Variants in RPS6KC1 observed in about 807,000 individuals in gnomAD.
RPS6KC1 encodes ribosomal protein S6 kinase C1, also known as inactive ribosomal protein S6 kinase delta-1.
A neutral mutation model predicts 103.8 loss-of-function variants in RPS6KC1; 54 were observed. The ratio of observed to expected loss-of-function variants is 0.52; its 90% CI spans 0.42 to 0.65. The LOEUF (loss-of-function observed/expected upper bound fraction) is 0.65, where lower values mean the gene tolerates loss of function less well. Ranked by LOEUF, RPS6KC1 falls within the 30% of genes least tolerant of loss-of-function variation. RPS6KC1 has a pLI of 0.00. For synonymous variants in RPS6KC1, 439 were observed against 438.7 expected, an observed-to-expected ratio of 1.00 and a Z score of -0.01; for missense variants, 1,151 against 1,253.8, an observed-to-expected ratio of 0.92 and a Z score of 1.24.
At chr1:213,505,480 C>G in the RPS6KC1 span, among the ~76,000 whole-genome samples, 11 of 152,326 alleles carry the variant, frequency 7.2e-5, no homozygotes, top group African/African-American at 2.6e-4. Flanking sequence ...CTCTCTGTGC[C>G]TCTGTTTTCT....
chr1:213,113,571 C>A (rs1412077302), intron 4 of RPS6KC1, among the ~76,000 whole-genome samples: 4 of 151,228 alleles, frequency 2.6e-5, no homozygotes, highest in Non-Finnish European at 4.4e-5. Context: ...TAATTAGATC[C>A]CATTTGTCAA....
At chr1:213,176,868 T>G (rs1245285830) in intron 8 of RPS6KC1, among the ~76,000 whole-genome samples, 1 of 152,192 alleles carries the variant, frequency 6.6e-6, no homozygotes, top group Non-Finnish European at 1.5e-5. Flanking sequence ...CCCCTTGTAA[T>G]TACCATTTAC....
chr1:213,432,700 A>G, the RPS6KC1 span, among the ~76,000 whole-genome samples: 1 of 149,178 alleles, frequency 6.7e-6, no homozygotes, highest in African/African-American at 2.5e-5. Context: ...ATTAGTTTGT[A>G]TTTTCTAGAA....
intron 5 of RPS6KC1, among the ~76,000 whole-genome samples, chr1:213,122,460 A>G (rs2084501859): frequency 6.6e-6 from 1 of 152,182 alleles, no homozygotes; most frequent in Non-Finnish European, 1.5e-5. Context: ...TTGAGGCAAG[A>G]TCATTTTAAA....
At chr1:213,589,808 C>G in the RPS6KC1 span, among the ~76,000 whole-genome samples, 1 of 152,034 alleles carries the variant, frequency 6.6e-6, no homozygotes, top group African/African-American at 2.4e-5. Flanking sequence ...AACTGAAGAA[C>G]AGGAATTGGT....
the RPS6KC1 span, among the ~76,000 whole-genome samples, chr1:213,660,888 C>CA: frequency 6.6e-6 from 1 of 152,190 alleles, no homozygotes; most frequent in Non-Finnish European, 1.5e-5. Context: ...GTGTCATGCA[C>CA]AAATTCGCCA....
At chr1:213,742,657 G>A in the RPS6KC1 span, among the ~76,000 whole-genome samples, 1 of 152,228 alleles carries the variant, frequency 6.6e-6, no homozygotes, top group African/African-American at 2.4e-5. Flanking sequence ...GTGAAGGTCT[G>A]GGCAAAGCTG....
At chr1:213,201,985 A>T (rs897127118) in intron 8 of RPS6KC1, among the ~76,000 whole-genome samples, 6 of 152,188 alleles carry the variant, frequency 3.9e-5, no homozygotes, top group Non-Finnish European at 8.8e-5. Flanking sequence ...TCAAAGTCTT[A>T]GGATTACATA....
At chr1:213,839,232 A>G in the RPS6KC1 span, among the ~76,000 whole-genome samples, 1 of 152,212 alleles carries the variant, frequency 6.6e-6, no homozygotes, top group Non-Finnish European at 1.5e-5. Flanking sequence ...TTTTAAAATT[A>G]ATAACAGGTA....
the RPS6KC1 span, among the ~76,000 whole-genome samples, chr1:213,453,205 A>C: frequency 3.9e-5 from 6 of 152,266 alleles, no homozygotes; most frequent in Admixed American, 3.9e-4. Context: ...CAACTGATTC[A>C]TTTATTCAAT....
At chr1:213,226,029 C>A (rs1349909528) in intron 8 of RPS6KC1, among the ~76,000 whole-genome samples, 1 of 151,750 alleles carries the variant, frequency 6.6e-6, no homozygotes, top group African/African-American at 2.4e-5. Context: ...TGAGACTATC[C>A]TGGCTAACAC....
At chr1:213,712,119 C>A in the RPS6KC1 span, among the ~76,000 whole-genome samples, 1 of 152,246 alleles carries the variant, frequency 6.6e-6, no homozygotes, top group African/African-American at 2.4e-5. Context: ...CCCACAGCCA[C>A]CCCTTCCCCC....
chr1:213,338,634 G>C, the RPS6KC1 span, among the ~76,000 whole-genome samples: 2 of 152,150 alleles, frequency 1.3e-5, no homozygotes, highest in Admixed American at 1.3e-4. Flanking sequence ...TGGGAACAAT[G>C]GCACAGACTT....
chr1:213,788,897 A>G, the RPS6KC1 span, among the ~76,000 whole-genome samples: 3 of 152,034 alleles, frequency 2.0e-5, no homozygotes, highest in African/African-American at 7.3e-5. Context: ...TCAGTTTCAC[A>G]CACACACACA....
chr1:213,105,711 C>CTGAG (rs2082422705), intron 4 of RPS6KC1, among the ~76,000 whole-genome samples: 1 of 152,128 alleles, frequency 6.6e-6, no homozygotes, highest in Admixed American at 6.5e-5. Context: ...GCAAACTAGG[C>CTGAG]TGAGATAATA....
rs529895256 is a variant in RPS6KC1, at chr1:213,268,819, T to G, written c.3091-3705T>G. On this transcript the variant is annotated intron_variant, in intron 14 of 14. Coordinates refer to ENST00000366960, the MANE Select transcript of RPS6KC1 (RefSeq NM_012424.6). ...GATATATTAAGTGATAAGATGCATA[T>G]TGTAGGGATACAGCAACCACTTAAA... 2.0e-3 allele frequency among the ~76,000 whole-genome samples: 302 copies of G among 151,692 alleles called. 1 individual carries two copies. The highest frequency in any genetic ancestry group is 7.0e-3 in the African/African-American group (291 of 41,410).
At chr1:213,362,781 G>A in the RPS6KC1 span, among the ~76,000 whole-genome samples, 1 of 152,298 alleles carries the variant, frequency 6.6e-6, no homozygotes, top group Admixed American at 6.5e-5. Context: ...AAAGCAGATT[G>A]TCCTCCATGG....
At chr1:213,783,807 G>A in the RPS6KC1 span, among the ~76,000 whole-genome samples, 2 of 19,032 alleles carry the variant, frequency 1.1e-4, no homozygotes, top group Admixed American at 1.5e-3. Flanking sequence ...TGAAAAGAAA[G>A]ATGTTGCCAA....
the RPS6KC1 span, among the ~76,000 whole-genome samples, chr1:213,716,156 T>A: frequency 1.2e-3 from 189 of 152,318 alleles, no homozygotes; most frequent in Middle Eastern, 0.014. Flanking sequence ...ATTCAGTTTA[T>A]TTAAATAGGA....
Sources: allele counts gnomAD v4.1 joint callset (sites outside exome capture counted in the v4.1 genomes callset), GRCh38; gene constraint gnomAD v4.1.1; transcripts MANE v1.5; gene names NCBI Gene and HGNC (gene_info 2026-07-23, HGNC 2026-07-21).